Variants in SFSWAP observed in about 807,000 individuals in gnomAD.
SFSWAP encodes splicing factor SWAP, also known as splicing factor, suppressor of white-apricot homolog.
In SFSWAP, 17 loss-of-function variants were observed where a neutral mutation model predicts 100.7. That is an observed-to-expected ratio of 0.17 (90% CI 0.12 to 0.25). The LOEUF is 0.25. Among genes scored for constraint, SFSWAP ranks in the 10% least tolerant of loss-of-function variants. The probability of loss-of-function intolerance (pLI) is 1.00; values close to 1 mark genes in which losing one functional copy is unlikely to be tolerated. For synonymous variants in SFSWAP, 504 were observed against 510.1 expected (o/e 0.99, Z 0.16); for missense variants, 1,005 against 1,262.6 (o/e 0.80, Z 3.09).
At chr12:131,787,342 C>T (rs538045400) in intron 15 of SFSWAP, among the ~76,000 whole-genome samples, 1 of 152,346 alleles carries the variant, frequency 6.6e-6, no homozygotes, top group African/African-American at 2.4e-5. Flanking sequence ...TCCATTGGTG[C>T]CGCCAGTGAG....
Position 131,711,504 on chromosome 12 carries a change from C to T in SFSWAP, c.218+57C>T, listed in dbSNP as rs1224947084. 11 of 1,408,330 alleles carry T rather than the reference C, an allele frequency of 7.8e-6. No homozygotes were observed. The highest frequency in any genetic ancestry group is 1.2e-5 in the South Asian group (1 of 86,012). 87.2% of individuals were successfully genotyped at this position (1,408,330 alleles called of 1,614,324 possible). A position where few individuals can be genotyped will look rare whatever the true frequency, so the allele number is the denominator to read the frequency against. On this transcript the variant is annotated intron_variant, in intron 1 of 17. Coordinates refer to ENST00000261674, the MANE Select transcript of SFSWAP (RefSeq NM_004592.4). The surrounding 1 kb of genome is among the most constrained non-coding windows in gnomAD (Gnocchi z 4.9). Reference sequence around the variant, plus strand: ...CCTTCCCTCACCCGCTTGATCTCGTCTGATGTTGACTTGACTGCAAGGACT... The same window carrying T: ...CCTTCCCTCACCCGCTTGATCTCGTTTGATGTTGACTTGACTGCAAGGACT...
intron 15 of SFSWAP, among the ~76,000 whole-genome samples, 186 bp downstream of exon 15, chr12:131,786,774 C>T (rs1194018285): frequency 2.0e-5 from 3 of 151,982 alleles, no homozygotes; most frequent in Non-Finnish European, 4.4e-5. Context: ...ACACTGAGCT[C>T]CTGTGTCTGG....
chr12:131,768,588 G>A (rs532076423), intron 13 of SFSWAP, among the ~76,000 whole-genome samples: 7 of 152,274 alleles, frequency 4.6e-5, no homozygotes, highest in African/African-American at 9.6e-5. Flanking sequence ...CCCGAGTGCC[G>A]CAGGGTGGGC....
At chr12:131,712,434 T>G (rs1356387077) in intron 1 of SFSWAP, 2 of 152,222 alleles carry the variant, frequency 1.3e-5, no homozygotes, top group Non-Finnish European at 2.9e-5. Context: ...CCTGTTCGGC[T>G]ACTTCTGGGG....
intron 16 of SFSWAP, 42 bp from the exon 17 acceptor site, chr12:131,798,995 T>C: frequency 6.6e-7 from 1 of 1,517,570 alleles, no homozygotes; most frequent in Non-Finnish European, 9.2e-7. Context: ...GCTCAGCATC[T>C]TCACACGGTT....
chr12:131,731,797 C>CCA (rs1879532888), intron 7 of SFSWAP, among the ~76,000 whole-genome samples: 3 of 151,238 alleles, frequency 2.0e-5, no homozygotes, highest in Non-Finnish European at 4.4e-5. Flanking sequence ...GCAAAAAATA[C>CCA]TATGAGGCTC....
intron 13 of SFSWAP, among the ~76,000 whole-genome samples, chr12:131,774,130 G>C (rs531630046): frequency 6.6e-6 from 1 of 152,332 alleles, no homozygotes; most frequent in African/African-American, 2.4e-5. Context: ...TGCGGGGCAC[G>C]GGGCGCTGGA....
In SFSWAP at chr12:131,714,793, T is replaced by G; in HGVS notation, c.389-29T>G. ...GTTTTTCTCAGTAATTTTCTATTTTTGTTGATAAAATTCTCATTTTTATTC... is the reference window on the plus strand; with the variant it reads ...GTTTTTCTCAGTAATTTTCTATTTTGGTTGATAAAATTCTCATTTTTATTC... On this transcript the variant is annotated intron_variant, in intron 2 of 17. Transcript: ENST00000261674. The surrounding 1 kb of genome is among the most constrained non-coding windows in gnomAD (Gnocchi z 6.0). 1 of 1,600,714 alleles carries G rather than the reference T, an allele frequency of 6.2e-7. No individual in the cohort carries two copies. The highest frequency in any genetic ancestry group is 8.6e-7 in the Non-Finnish European group (1 of 1,168,700).
chr12:131,724,667 G>T (rs1482428934), intron 4 of SFSWAP, among the ~76,000 whole-genome samples: 1 of 152,238 alleles, frequency 6.6e-6, no homozygotes, highest in Non-Finnish European at 1.5e-5. Flanking sequence ...CCATTTGTGG[G>T]CAGGAAATGC....
In SFSWAP at chr12:131,794,419, C is replaced by T. The variant is rs577465868; in HGVS notation, c.2535-2759C>T. 1.4e-4 allele frequency among the ~76,000 whole-genome samples: 21 copies of T among 151,816 alleles called. No individual in the cohort carries two copies. The highest frequency in any genetic ancestry group is 5.9e-5 in the Non-Finnish European group (4 of 67,952). ...ATTTGTGGTGGCGTCTGCCTGTCGT[C>T]CCAGCTACTTGGGAGGCTGAGGCAA... is the stretch of plus-strand genomic sequence containing the variant. On this transcript the variant is annotated intron_variant, in intron 15 of 17. Coordinates refer to ENST00000261674, the MANE Select transcript of SFSWAP (RefSeq NM_004592.4). The surrounding 1 kb of genome is among the most constrained non-coding windows in gnomAD (Gnocchi z 4.8).
chr12:131,772,912 A>G (rs1883731515), intron 13 of SFSWAP, among the ~76,000 whole-genome samples: 1 of 152,144 alleles, frequency 6.6e-6, no homozygotes, highest in South Asian at 2.1e-4. Flanking sequence ...GAAGCTGACA[A>G]GGGGGTACAG....
intron 7 of SFSWAP, among the ~76,000 whole-genome samples, chr12:131,740,468 A>G (rs1321820929): frequency 6.6e-6 from 1 of 152,160 alleles, no homozygotes; most frequent in African/African-American, 2.4e-5. Flanking sequence ...CATGGACTAT[A>G]TTGTATACCT....
intron 7 of SFSWAP, among the ~76,000 whole-genome samples, chr12:131,749,719 A>G (rs1208481831): frequency 6.6e-6 from 1 of 152,194 alleles, no homozygotes; most frequent in Non-Finnish European, 1.5e-5. Context: ...GCATGAACTC[A>G]CTCATTAAAC....
intron 13 of SFSWAP, among the ~76,000 whole-genome samples, chr12:131,775,757 T>C (rs755437): frequency 0.4 from 61,030 of 151,858 alleles, 13,305 homozygotes; most frequent in Non-Finnish European, 0.49. Flanking sequence ...TAGAGCTTGC[T>C]TTGTCATTGG....
At chr12:131,766,090 T>C in intron 12 of SFSWAP, 28 bp from the exon 13 acceptor site, 1 of 1,578,338 alleles carries the variant, frequency 6.3e-7, no homozygotes, top group Non-Finnish European at 8.6e-7. Context: ...GCTCTAAACT[T>C]CTCTTTTTTC....
chr12:131,716,477 A>G (rs907790276), intron 3 of SFSWAP, among the ~76,000 whole-genome samples: 1 of 152,218 alleles, frequency 6.6e-6, no homozygotes, highest in Non-Finnish European at 1.5e-5. Context: ...TCTCTAAGCC[A>G]CACACATGAG....
chr12:131,788,988 A>C (rs375824277), intron 15 of SFSWAP, among the ~76,000 whole-genome samples: 19 of 149,298 alleles, frequency 1.3e-4, no homozygotes, highest in African/African-American at 4.4e-4. Context: ...TTTCTTTTTT[A>C]TTTTTATTTG....
chr12:131,745,109 G>A (rs1384913542), intron 7 of SFSWAP, among the ~76,000 whole-genome samples: 3 of 152,148 alleles, frequency 2.0e-5, no homozygotes, highest in African/African-American at 2.4e-5. Context: ...GAAAATACTT[G>A]GACACAATGT....
At chr12:131,777,247 T>C (rs1884099145) in intron 13 of SFSWAP, among the ~76,000 whole-genome samples, 1 of 152,188 alleles carries the variant, frequency 6.6e-6, no homozygotes. Context: ...ACCCATTAAC[T>C]CATCATTTAA....
Sources: allele counts gnomAD v4.1 joint callset (sites outside exome capture counted in the v4.1 genomes callset), GRCh38; gene constraint gnomAD v4.1.1; non-coding constraint Gnocchi (gnomAD v3.1); transcripts MANE v1.5; gene names NCBI Gene and HGNC (gene_info 2026-07-23, HGNC 2026-07-21).